PPP5C: variants seen among roughly 807,000 people sequenced by gnomAD.
The protein encoded by PPP5C is protein phosphatase 5 catalytic subunit.
A neutral mutation model predicts 66.7 loss-of-function variants in PPP5C; 21 were observed. That is an observed-to-expected ratio of 0.31 (90% CI 0.22 to 0.45). The LOEUF (loss-of-function observed/expected upper bound fraction) is 0.45, where lower values mean the gene tolerates loss of function less well. PPP5C is among the 20% of genes least tolerant of loss of function. PPP5C has a pLI of 1.00. For missense variants in PPP5C, 464 were observed against 675.9 expected, an observed-to-expected ratio of 0.69 and a Z score of 3.48; for synonymous variants, 246 against 257.4, an observed-to-expected ratio of 0.96 and a Z score of 0.43.
rs375609816 is a variant in PPP5C, at chr19:46,389,484, C to CGAATCCTGCCAAGTTCT, written c.1356-566_1356-550dup. On this transcript the variant is annotated intron_variant, in intron 11 of 12. Coordinates refer to ENST00000012443, the MANE Select transcript of PPP5C (RefSeq NM_006247.4). ...ACAGTGTTGATCCCTTGCCCCCACC[C>CGAATCCTGCCAAGTTCT]GAATCCTGCCAAGTTCTCTTTCTCC... 2.3e-3 allele frequency among the ~76,000 whole-genome samples: 348 copies of CGAATCCTGCCAAGTTCT among 148,856 alleles called. 7 individuals are homozygous for CGAATCCTGCCAAGTTCT. The highest frequency in any genetic ancestry group is 7.9e-3 in the African/African-American group (314 of 39,588).
In PPP5C at chr19:46,383,377, C is replaced by T; in HGVS notation, c.634-34C>T. The T allele has an allele frequency of 6.2e-7, 1 of 1,601,128 alleles. No individual in the cohort carries two copies. Among genetic ancestry groups the T allele is most frequent in the South Asian group, 1.1e-5 (1 of 88,530 alleles). On this transcript the variant is annotated intron_variant, in intron 4 of 12. Transcript: ENST00000012443. This position sits in a 1 kb window ranked among gnomAD's most constrained non-coding sequence, Gnocchi z 5.0. ...GGGCCAGGTTGGGCAGCAGCCCCTGCAGCCGGTCCCACTGAGTCTGCCCTG... is the reference window on the plus strand; with the variant it reads ...GGGCCAGGTTGGGCAGCAGCCCCTGTAGCCGGTCCCACTGAGTCTGCCCTG...
intron 2 of PPP5C, among the ~76,000 whole-genome samples, chr19:46,358,765 T>A (rs998312090): frequency 2.6e-5 from 4 of 152,142 alleles, no homozygotes; most frequent in African/African-American, 9.7e-5. Flanking sequence ...TTCTCATTGG[T>A]TTAAAAAATA....
chr19:46,389,405 A>AGTGTTGAT (rs1568579889), intron 11 of PPP5C, among the ~76,000 whole-genome samples: 1 of 28,800 alleles, frequency 3.5e-5, no homozygotes, highest in Non-Finnish European at 9.1e-5. Context: ...ACACACACAC[A>AGTGTTGAT]CACACACACA....
chr19:46,355,281 C>T (rs1972265203), intron 2 of PPP5C, among the ~76,000 whole-genome samples: 1 of 151,962 alleles, frequency 6.6e-6, no homozygotes, highest in South Asian at 2.1e-4. Context: ...TCCTGCCCCC[C>T]GACACAGACA....
chr19:46,377,130 T>C (rs974383482), intron 4 of PPP5C, among the ~76,000 whole-genome samples: 50 of 152,288 alleles, frequency 3.3e-4, no homozygotes, highest in South Asian at 1.0e-3. Context: ...GGGTTGGTTA[T>C]GAGGATGCGG....
chr19:46,389,362 AACACACACACACACACACACACAC>A lies in PPP5C; in HGVS notation c.1356-613_1356-590del, dbSNP rs57181889. Among the ~76,000 whole-genome samples the A allele has an allele frequency of 7.7e-3, 752 of 97,816 alleles. 2 individuals carry two copies. The highest frequency in any genetic ancestry group is 9.0e-3 in the Non-Finnish European group (461 of 51,094). The allele number at this position is 97,816 out of a possible 152,430, so 64.2% of individuals were successfully genotyped here. ...GGGCAAGAGTAAGACTCCATCTCAA[AACACACACACACACACACACACAC>A]ACACACACACACACACACACACACA... On this transcript the variant is annotated intron_variant, in intron 11 of 12. Coordinates refer to ENST00000012443, the MANE Select transcript of PPP5C (RefSeq NM_006247.4).
chr19:46,363,807 G>C (rs964751903), intron 2 of PPP5C, among the ~76,000 whole-genome samples: 1 of 152,126 alleles, frequency 6.6e-6, no homozygotes, highest in Admixed American at 6.5e-5. Flanking sequence ...AACATGTATA[G>C]ACATAACATA....
chr19:46,364,283 G>A (rs1972454691), intron 2 of PPP5C, among the ~76,000 whole-genome samples: 1 of 152,092 alleles, frequency 6.6e-6, no homozygotes, highest in Non-Finnish European at 1.5e-5. Flanking sequence ...TGACTATAGA[G>A]CTCTTTAAAA....
intron 2 of PPP5C, among the ~76,000 whole-genome samples, chr19:46,363,928 G>A (rs1972447030): frequency 1.3e-5 from 2 of 152,280 alleles, no homozygotes; most frequent in South Asian, 4.1e-4. Flanking sequence ...AGAGGAGCCT[G>A]TTTACCCACA....
At position 46,390,719 on chromosome 19, in the gene PPP5C, G is replaced by C; in HGVS notation, c.*373G>C. ...GCCATAGGAAGACCCCCAGAGAGAG[G>C]GTCAGCAGGGGGGCCCCGCCTGCGC... On this transcript the variant is annotated 3_prime_UTR_variant, in exon 13 of 13. Coordinates refer to ENST00000012443, the MANE Select transcript of PPP5C (RefSeq NM_006247.4). The C allele has an allele frequency of 8.7e-7, 1 of 1,155,074 alleles. No individual in the cohort carries two copies. The highest frequency in any genetic ancestry group is 1.1e-6 in the Non-Finnish European group (1 of 927,104). 71.6% of individuals were successfully genotyped at this position (1,155,074 alleles called of 1,614,324 possible). A position where few individuals can be genotyped will look rare whatever the true frequency, so the allele number is the denominator to read the frequency against.
At position 46,354,212 on chromosome 19, in the gene PPP5C, C is replaced by T. The variant is rs553388755; in HGVS notation, c.363+223C>T. Among the ~76,000 whole-genome samples the T allele has an allele frequency of 2.0e-5, 3 of 152,374 alleles. No individual in the cohort carries two copies. In the East Asian group the frequency reaches 5.8e-4, roughly 29 times the overall value. ...AGCCAGTTACCCCGCCTCGCCACAC[C>T]TTCCTTTCCATATCCGTGAAATGAG... is the stretch of plus-strand genomic sequence containing the variant. On this transcript the variant is annotated intron_variant, in intron 2 of 12. Transcript: ENST00000012443.
intron 2 of PPP5C, among the ~76,000 whole-genome samples, chr19:46,361,591 A>T (rs1185911805): frequency 3.2e-4 from 27 of 83,836 alleles, no homozygotes; most frequent in East Asian, 1.3e-3. Context: ...CTAAAAATTA[A>T]AAAAAAAAAA....
At position 46,388,854 on chromosome 19, in the gene PPP5C, C is replaced by T. The variant is rs759290; in HGVS notation, c.1355+123C>T. On this transcript the variant is annotated intron_variant, in intron 11 of 12. Transcript: ENST00000012443. The surrounding 1 kb of genome is among the most constrained non-coding windows in gnomAD (Gnocchi z 4.9). ...GGCAAGAGCAGATAAAAGAACATGA[C>T]GAACACCCCCGTATGTGTCACCCAC... 923,721 of 1,264,418 alleles carry T rather than the reference C, an allele frequency of 0.73. 339,621 individuals are homozygous for T. The highest frequency in any genetic ancestry group is 0.84 in the South Asian group (58,841 of 69,814). The allele number at this position is 1,264,418 out of a possible 1,614,324, so 78.3% of individuals were successfully genotyped here. A position where few individuals can be genotyped will look rare whatever the true frequency, so the allele number is the denominator to read the frequency against.
At position 46,388,734 on chromosome 19, in the gene PPP5C, A is replaced by G. The variant is rs1323426547; in HGVS notation, c.1355+3A>G. The stretch of plus-strand genomic sequence containing the variant: ...GTCTTCTCTGCCCCCAACTACTGGT[A>G]TGTCTTTGCCTTTCCAGCCCAGGGC... On this transcript the variant is annotated splice_donor_region_variant and intron_variant, in intron 11 of 12. Coordinates refer to ENST00000012443, the MANE Select transcript of PPP5C (RefSeq NM_006247.4). This position sits in a 1 kb window ranked among gnomAD's most constrained non-coding sequence, Gnocchi z 4.9. 4 of 1,613,466 alleles carry G rather than the reference A, an allele frequency of 2.5e-6. No individual in the cohort carries two copies. Among genetic ancestry groups the G allele is most frequent in the Middle Eastern group, 1.6e-4 (1 of 6,084 alleles).
At chr19:46,374,454 G>A (rs920777629) in intron 2 of PPP5C, among the ~76,000 whole-genome samples, 3 of 152,058 alleles carry the variant, frequency 2.0e-5, no homozygotes, top group Non-Finnish European at 2.9e-5. Flanking sequence ...GGGGGTCTAC[G>A]TGACTAAACA....
rs1177035708 is a variant in PPP5C, at chr19:46,376,344, C to G, written c.512-109C>G. ...CTCTTCACTCACTCTGTCCCGCTCT[C>G]GACCTGTGTGTCCACACCCAAGTTT... is the stretch of plus-strand genomic sequence containing the variant. On this transcript the variant is annotated intron_variant, in intron 3 of 12. Transcript: ENST00000012443. The surrounding 1 kb of genome is among the most constrained non-coding windows in gnomAD (Gnocchi z 5.1). 14 of 1,429,754 alleles carry G rather than the reference C, an allele frequency of 9.8e-6. No individual in the cohort carries two copies. In the African/African-American group the frequency reaches 1.5e-4, roughly 16 times the overall value. The allele number at this position is 1,429,754 out of a possible 1,614,324, so 88.6% of individuals were successfully genotyped here. A position where few individuals can be genotyped will look rare whatever the true frequency, so the allele number is the denominator to read the frequency against.
Position 46,376,664 on chromosome 19 carries a change from GA to G in PPP5C, c.633+92del. On this transcript the variant is annotated intron_variant, in intron 4 of 12. Coordinates refer to ENST00000012443, the MANE Select transcript of PPP5C (RefSeq NM_006247.4). The surrounding 1 kb of genome is among the most constrained non-coding windows in gnomAD (Gnocchi z 5.1). Reference sequence around the variant, plus strand: ...GCGGGCACTGAGCAAAACGACAGGAGAAGGGCGGCCATGACAGCCAACACCA... The same window carrying G: ...GCGGGCACTGAGCAAAACGACAGGAGAGGGCGGCCATGACAGCCAACACCA... 1 of 1,538,276 alleles carries G rather than the reference GA, an allele frequency of 6.5e-7. No homozygotes were observed.
intron 1 of PPP5C, among the ~76,000 whole-genome samples, chr19:46,353,133 C>T (rs1029678644): frequency 6.6e-6 from 1 of 152,220 alleles, no homozygotes; most frequent in Non-Finnish European, 1.5e-5. Flanking sequence ...GCAAGACCTC[C>T]ATGGCTTGTC....
intron 4 of PPP5C, among the ~76,000 whole-genome samples, chr19:46,381,349 G>A (rs756327077): frequency 1.8e-4 from 27 of 152,092 alleles, no homozygotes; most frequent in Admixed American, 5.9e-4. Flanking sequence ...CTCTGAGTCT[G>A]CTCTGTTACC....
Sources: gnomAD v4.1 joint callset for allele counts (sites outside exome capture counted in the v4.1 genomes callset) on GRCh38, gnomAD v4.1.1 for gene constraint, Gnocchi (gnomAD v3.1) non-coding constraint, MANE v1.5 for transcripts, NCBI Gene and HGNC (gene_info 2026-07-23, HGNC 2026-07-21) for gene names.